The following LRP1B variants were observed in gnomAD, a reference collection of about 807,000 sequenced individuals.
The protein encoded by LRP1B is LDL receptor related protein 1B, also known as low-density lipoprotein receptor-related protein 1B.
A neutral mutation model predicts 556.6 loss-of-function variants in LRP1B; 217 were observed. That is an observed-to-expected ratio of 0.39 (90% CI 0.35 to 0.44). The LOEUF (loss-of-function observed/expected upper bound fraction) is 0.44. Ranked by LOEUF, LRP1B falls within the 20% of genes least tolerant of loss-of-function variation. LRP1B has a pLI of 1.00. For synonymous variants in LRP1B, 2,047 were observed against 1,865.8 expected, an observed-to-expected ratio of 1.10 and a Z score of -2.50; for missense variants, 5,053 against 5,620.8, an observed-to-expected ratio of 0.90 and a Z score of 3.23.
At chr2:140,803,195 T>C (rs1008443619) in intron 32 of LRP1B, among the ~76,000 whole-genome samples, 1 of 151,744 alleles carries the variant, frequency 6.6e-6, no homozygotes, top group East Asian at 1.9e-4. Context: ...AACTCTCTTC[T>C]GTCCTTCATA....
chr2:140,378,433 A>G, intron 67 of LRP1B, 147 bp from the exon 68 acceptor site: 1 of 564,694 alleles, frequency 1.8e-6, no homozygotes, highest in Non-Finnish European at 3.2e-6. Flanking sequence ...AAATCTCATG[A>G]AGCATCTATG....
At chr2:141,319,772 A>G (rs1687171690) in intron 3 of LRP1B, among the ~76,000 whole-genome samples, 1 of 152,044 alleles carries the variant, frequency 6.6e-6, no homozygotes, top group African/African-American at 2.4e-5. Flanking sequence ...TCTCGTTTCA[A>G]TTTTATAGAG....
chr2:141,134,546 T>C (rs866899769), intron 7 of LRP1B, among the ~76,000 whole-genome samples: 10 of 151,886 alleles, frequency 6.6e-5, no homozygotes, highest in African/African-American at 1.9e-4. Flanking sequence ...AGATTAAATA[T>C]AACCTTCTCT....
chr2:141,576,922 T>G (rs1686774853), intron 2 of LRP1B, among the ~76,000 whole-genome samples: 1 of 151,586 alleles, frequency 6.6e-6, no homozygotes, highest in Non-Finnish European at 1.5e-5. Flanking sequence ...CCTCCCAGAG[T>G]GCTGGGATAA....
intron 6 of LRP1B, among the ~76,000 whole-genome samples, chr2:141,194,105 C>T (rs1681644029): frequency 6.6e-6 from 1 of 152,064 alleles, no homozygotes; most frequent in African/African-American, 2.4e-5. Flanking sequence ...AATCTTATAT[C>T]AGTACTTTTT....
At chr2:141,498,984 T>C (rs1257519710) in intron 2 of LRP1B, among the ~76,000 whole-genome samples, 1 of 152,086 alleles carries the variant, frequency 6.6e-6, no homozygotes, top group Non-Finnish European at 1.5e-5. Flanking sequence ...CATAAATAGA[T>C]TTCATTTTCA....
chr2:141,696,567 G>A (rs1465767154), intron 2 of LRP1B, among the ~76,000 whole-genome samples: 1 of 151,856 alleles, frequency 6.6e-6, no homozygotes. Flanking sequence ...GAACAACTCT[G>A]AATACCAGAT....
At chr2:140,335,438 T>TA (rs1179299229) in intron 78 of LRP1B, among the ~76,000 whole-genome samples, 177 bp downstream of exon 78, 13 of 151,848 alleles carry the variant, frequency 8.6e-5, no homozygotes, top group Non-Finnish European at 1.9e-4. Flanking sequence ...AAAATTTGTA[T>TA]CATCATTTGG....
chr2:141,251,438 G>A (rs973494941), intron 4 of LRP1B, among the ~76,000 whole-genome samples: 2 of 152,150 alleles, frequency 1.3e-5, no homozygotes, highest in Admixed American at 1.3e-4. Context: ...GGGAATGATG[G>A]CTATAGGAAG....
intron 56 of LRP1B, 78 bp from the exon 57 acceptor site, chr2:140,492,771 G>GTTTAC: frequency 9.8e-7 from 1 of 1,020,688 alleles, no homozygotes; most frequent in South Asian, 1.3e-5. Context: ...GTTTAGTTTA[G>GTTTAC]CAGCAATGTG....
At chr2:141,588,368 G>T (rs1432708012) in intron 2 of LRP1B, among the ~76,000 whole-genome samples, 1 of 151,746 alleles carries the variant, frequency 6.6e-6, no homozygotes, top group Non-Finnish European at 1.5e-5. Context: ...AATCACAGAA[G>T]CTACTTAGAG....
intron 15 of LRP1B, among the ~76,000 whole-genome samples, chr2:141,002,758 C>A (rs1011634777): frequency 6.6e-6 from 1 of 151,874 alleles, no homozygotes; most frequent in Non-Finnish European, 1.5e-5. Context: ...AATAAATGAA[C>A]AATGGAGTGC....
At chr2:141,632,208 T>C (rs879850923) in intron 2 of LRP1B, among the ~76,000 whole-genome samples, 8 of 152,074 alleles carry the variant, frequency 5.3e-5, no homozygotes, top group South Asian at 2.1e-4. Flanking sequence ...ACAGGCATGA[T>C]TGTATACATT....
chr2:141,139,323 C>A (rs1469111257), intron 7 of LRP1B, among the ~76,000 whole-genome samples: 2 of 151,480 alleles, frequency 1.3e-5, no homozygotes, highest in Admixed American at 6.6e-5. Flanking sequence ...AATTTAACAC[C>A]AACATCACAG....
chr2:140,349,454 C>G (rs13012031), intron 77 of LRP1B, among the ~76,000 whole-genome samples: 1 of 151,468 alleles, frequency 6.6e-6, no homozygotes, highest in Non-Finnish European at 1.5e-5. Flanking sequence ...TCCTATGTAC[C>G]TAGAAAGTTA....
intron 7 of LRP1B, among the ~76,000 whole-genome samples, chr2:141,103,522 T>TTCTCTCTCTC (rs61008140): frequency 8.7e-5 from 13 of 149,140 alleles, no homozygotes; most frequent in East Asian, 8.1e-4. Context: ...AGCACACACA[T>TTCTCTCTCTC]TCTCTCTCTC....
At chr2:142,087,059 G>A (rs1411596747) in intron 1 of LRP1B, among the ~76,000 whole-genome samples, 2 of 151,936 alleles carry the variant, frequency 1.3e-5, no homozygotes, top group Non-Finnish European at 2.9e-5. Context: ...TTCCCTTGTT[G>A]GCTAATAACA....
At chr2:140,278,350 G>A (rs1182824150) in intron 84 of LRP1B, among the ~76,000 whole-genome samples, 1 of 151,924 alleles carries the variant, frequency 6.6e-6, no homozygotes, top group African/African-American at 2.4e-5. Context: ...AAACTTTTCT[G>A]TGTATATTAC....
In LRP1B at chr2:140,526,356, A is replaced by G; in HGVS notation, c.7763-6T>C. On this transcript the variant is annotated splice_polypyrimidine_tract_variant and splice_region_variant and intron_variant, in intron 47 of 90. Coordinates refer to ENST00000389484, the MANE Select transcript of LRP1B (RefSeq NM_018557.3). ...AACCGTGGCACAGGTTGAAACTAGA[A>G]AAACAGGTACATAAACAAATGCAAA... The G allele has an allele frequency of 4.5e-6, 7 of 1,562,910 alleles. No homozygotes were observed. The highest frequency in any genetic ancestry group is 6.2e-6 in the Non-Finnish European group (7 of 1,134,112).
Sources: gnomAD v4.1 joint callset for allele counts (sites outside exome capture counted in the v4.1 genomes callset) on GRCh38, gnomAD v4.1.1 for gene constraint, MANE v1.5 for transcripts, NCBI Gene and HGNC (gene_info 2026-07-23, HGNC 2026-07-21) for gene names.